The following PCDHGA3 variants were observed in gnomAD, a reference collection of about 807,000 sequenced individuals.
PCDHGA3 encodes the protein protocadherin gamma subfamily A, 3.
Under a neutral mutation model 58.5 loss-of-function variants are expected in PCDHGA3, and 40 were observed. That is an observed-to-expected ratio of 0.68 (90% CI 0.53 to 0.89). PCDHGA3 has a LOEUF of 0.89. PCDHGA3 is among the 40% of genes least tolerant of loss of function. PCDHGA3 has a pLI of 0.00. For synonymous variants in PCDHGA3, 530 were observed against 525.7 expected (o/e 1.01, Z -0.11); for missense variants, 1,223 against 1,195.9 (o/e 1.02, Z -0.33).
Position 141,486,335 on chromosome 5 carries a change from C to T in PCDHGA3, c.2425-8472C>T, listed in dbSNP as rs762408704. ...AGGGTCAAACGGAGATGTGAGCCTC[C>T]GCATTCCTGACCACTTGCCATTTGC... On this transcript the variant is annotated intron_variant, in intron 1 of 3. Transcript: ENST00000253812. The surrounding 1 kb of genome is among the most constrained non-coding windows in gnomAD (Gnocchi z 5.0). 6.2e-6 allele frequency: 10 copies of T among 1,613,936 alleles called. No individual in the cohort carries two copies. Among genetic ancestry groups the T allele is most frequent in the Middle Eastern group, 1.6e-4 (1 of 6,082 alleles).
At chr5:141,405,397 T>A (rs1383127737) in intron 1 of PCDHGA3, 3 of 1,591,464 alleles carry the variant, frequency 1.9e-6, no homozygotes, top group Admixed American at 1.8e-5. Context: ...TTTTTTTCTT[T>A]CTTTCTTTTC....
chr5:141,355,642 C>T lies in PCDHGA3; in HGVS notation c.2424+9185C>T, dbSNP rs559980851. The T allele has an allele frequency of 2.0e-5, 33 of 1,613,968 alleles. No homozygotes were observed. Among genetic ancestry groups the T allele is most frequent in the Middle Eastern group, 3.3e-4 (2 of 6,062 alleles). On this transcript the variant is annotated intron_variant, in intron 1 of 3. Transcript: ENST00000253812. Reference sequence around the variant, plus strand: ...AATAAAAGTTGCTGAAAATGAAAATCCTGGGGCAAGATTTCCTCTTCCTGA... The same window carrying T: ...AATAAAAGTTGCTGAAAATGAAAATTCTGGGGCAAGATTTCCTCTTCCTGA...
At chr5:141,411,134 G>A (rs1050594380) in intron 1 of PCDHGA3, 1 of 152,434 alleles carries the variant, frequency 6.6e-6, no homozygotes, top group Non-Finnish European at 1.5e-5. Context: ...ACAGGCGTGA[G>A]CCACAATATT....
chr5:141,390,173 T>C (rs1212038164), intron 1 of PCDHGA3: 1 of 1,613,616 alleles, frequency 6.2e-7, no homozygotes. Flanking sequence ...CGGAGTTTAA[T>C]TTCCTAAAAT....
At chr5:141,354,537 T>C (rs1172449329) in intron 1 of PCDHGA3, among the ~76,000 whole-genome samples, 2 of 152,230 alleles carry the variant, frequency 1.3e-5, no homozygotes, top group Non-Finnish European at 2.9e-5. Context: ...CCCCAGGTTC[T>C]AGAGGGTCAA....
chr5:141,413,645 C>T, intron 1 of PCDHGA3: 9 of 1,613,834 alleles, frequency 5.6e-6, no homozygotes, highest in Non-Finnish European at 7.6e-6. Context: ...ATGCGTTTTC[C>T]TCTCCCGGAA....
rs1312195504 is a variant in PCDHGA3 at position 141,429,392 on chromosome 5, A to ATTTTT, written c.2425-65415_2425-65414insTTTTT. On this transcript the variant is annotated intron_variant, in intron 1 of 3. Transcript: ENST00000253812. Reference sequence around the variant, plus strand: ...GAGAAAATGTGTTTTTTTTTTAAAAAAAATTGAGATTAAGGTCTCATTATG... The same window carrying ATTTTT: ...GAGAAAATGTGTTTTTTTTTTAAAAATTTTTAAATTGAGATTAAGGTCTCATTATG... Among the ~76,000 whole-genome samples, 131 of 152,104 alleles carry ATTTTT rather than the reference A, an allele frequency of 8.6e-4. 1 individual carries two copies. Among genetic ancestry groups the ATTTTT allele is most frequent in the Non-Finnish European group, 1.5e-3 (100 of 67,974 alleles).
intron 1 of PCDHGA3, among the ~76,000 whole-genome samples, chr5:141,464,222 G>A (rs1189319398): frequency 2.7e-5 from 4 of 147,818 alleles, no homozygotes; most frequent in African/African-American, 7.5e-5. Flanking sequence ...CTGAGATTGC[G>A]CCACTGCACT....
intron 1 of PCDHGA3, chr5:141,376,225 C>T (rs1772427738): frequency 6.2e-7 from 1 of 1,614,206 alleles, no homozygotes; most frequent in Non-Finnish European, 8.5e-7. Context: ...TGCTGGCGCT[C>T]AGACTGCAGC....
At position 141,486,783 on chromosome 5, in the gene PCDHGA3, C is replaced by A. The variant is rs905423670; in HGVS notation, c.2425-8024C>A. ...CAGACACTGCAGTTTGAGGTGCAGG[C>A]CCGGGATCGGGGCAACCCACCCCTT... On this transcript the variant is annotated intron_variant, in intron 1 of 3. Transcript: ENST00000253812. The surrounding 1 kb of genome is among the most constrained non-coding windows in gnomAD (Gnocchi z 5.0). 6.2e-7 allele frequency: 1 copy of A among 1,614,102 alleles called. No homozygotes were observed.
At chr5:141,497,820 G>A (rs1595489288) in intron 2 of PCDHGA3, among the ~76,000 whole-genome samples, 1 of 152,226 alleles carries the variant, frequency 6.6e-6, no homozygotes, top group Admixed American at 6.5e-5. Flanking sequence ...AATTACAGGT[G>A]TGATCGCCCC....
At chr5:141,422,126 GAGA>G (rs767100115) in intron 1 of PCDHGA3, 2 of 1,601,210 alleles carry the variant, frequency 1.2e-6, no homozygotes, top group South Asian at 2.3e-5. Context: ...TCACAAACTG[GAGA>G]AGTTCAAGTA....
chr5:141,358,387 G>T (rs1447702123), intron 1 of PCDHGA3, among the ~76,000 whole-genome samples: 1 of 152,144 alleles, frequency 6.6e-6, no homozygotes, highest in East Asian at 1.9e-4. Flanking sequence ...ACCATGCTTT[G>T]CTTGAAGTTT....
rs540147412 is a variant in PCDHGA3 at position 141,381,240 on chromosome 5, G to A, written c.2424+34783G>A. 4.6e-5 allele frequency among the ~76,000 whole-genome samples: 7 copies of A among 152,318 alleles called. No homozygotes were observed. The South Asian group carries it at 1.4e-3, about 32-fold the overall frequency. ...TCCTGGTTCCACCAACTACTCTCCA[G>A]GACCTAGAAGAATTTACAAACCAAG... On this transcript the variant is annotated intron_variant, in intron 1 of 3. Coordinates refer to ENST00000253812, the MANE Select transcript of PCDHGA3 (RefSeq NM_018916.4).
chr5:141,421,468 C>A (rs759548375), intron 1 of PCDHGA3: 9 of 1,614,096 alleles, frequency 5.6e-6, no homozygotes, highest in Non-Finnish European at 5.9e-6. Flanking sequence ...TGTGAATCCG[C>A]GAAGCGGCAG....
At chr5:141,510,814 C>T in intron 3 of PCDHGA3, 133 bp from the exon 4 acceptor site, 2 of 1,544,688 alleles carry the variant, frequency 1.3e-6, no homozygotes, top group East Asian at 4.6e-5. Context: ...TTGGTGACCC[C>T]TATATTCCCA....
chr5:141,420,496 G>T, intron 1 of PCDHGA3: 1 of 495,924 alleles, frequency 2.0e-6, no homozygotes, highest in Non-Finnish European at 3.1e-6. Context: ...GTAATCTCCG[G>T]TGACATTTTT....
At chr5:141,375,575 G>A (rs1209081341) in intron 1 of PCDHGA3, 1 of 1,613,960 alleles carries the variant, frequency 6.2e-7, no homozygotes, top group East Asian at 2.2e-5. Context: ...CACCCTCCAG[G>A]GGGCGCCCCT....
chr5:141,461,864 C>T (rs911351082), intron 1 of PCDHGA3, among the ~76,000 whole-genome samples: 5 of 151,900 alleles, frequency 3.3e-5, no homozygotes, highest in African/African-American at 9.7e-5. Context: ...GCTCTTGTTG[C>T]CCAGGCTGGA....
Sources: allele counts gnomAD v4.1 joint callset (sites outside exome capture counted in the v4.1 genomes callset), GRCh38; gene constraint gnomAD v4.1.1; non-coding constraint Gnocchi (gnomAD v3.1); transcripts MANE v1.5; gene names NCBI Gene and HGNC (gene_info 2026-07-23, HGNC 2026-07-21).